ROBO1: variants seen among roughly 807,000 people sequenced by gnomAD.
ROBO1 encodes the protein roundabout guidance receptor 1.
A neutral mutation model predicts 195.9 loss-of-function variants in ROBO1; 149 were observed. The ratio of observed to expected loss-of-function variants is 0.76; its 90% CI spans 0.67 to 0.87. ROBO1 has a LOEUF of 0.87. Among genes scored for constraint, ROBO1 ranks in the 40% least tolerant of loss-of-function variants. The probability of loss-of-function intolerance (pLI) is 0.00; values close to 1 mark genes in which losing one functional copy is unlikely to be tolerated. For synonymous variants in ROBO1, 816 were observed against 733.2 expected, an observed-to-expected ratio of 1.11 and a Z score of -1.82; for missense variants, 1,933 against 2,068.3, an observed-to-expected ratio of 0.93 and a Z score of 1.27.
intron 1 of ROBO1, among the ~76,000 whole-genome samples, chr3:79,619,110 A>G (rs12497956): frequency 0.017 from 55 of 3,282 alleles, no homozygotes; most frequent in African/African-American, 0.071. Context: ...CTGCAGAGAC[A>G]CCTGCCCTCA....
intron 5 of ROBO1, among the ~76,000 whole-genome samples, chr3:78,734,788 T>C (rs1313772165): frequency 6.6e-6 from 1 of 152,134 alleles, no homozygotes; most frequent in African/African-American, 2.4e-5. Flanking sequence ...ATATATAGTA[T>C]ATTGTTTCCC....
chr3:78,791,445 T>G (rs2084017198), intron 4 of ROBO1, among the ~76,000 whole-genome samples: 1 of 152,210 alleles, frequency 6.6e-6, no homozygotes, highest in Non-Finnish European at 1.5e-5. Context: ...CTTCTGCCCT[T>G]GGGAAAGCCA....
chr3:78,711,845 A>G (rs1010842913), intron 8 of ROBO1, among the ~76,000 whole-genome samples: 6 of 151,584 alleles, frequency 4.0e-5, no homozygotes, highest in African/African-American at 1.5e-4. Context: ...CACATTTCAA[A>G]TTTTAATAAG....
At chr3:79,405,359 A>G (rs1045499466) in intron 2 of ROBO1, among the ~76,000 whole-genome samples, 2 of 152,188 alleles carry the variant, frequency 1.3e-5, no homozygotes, top group African/African-American at 4.8e-5. Flanking sequence ...GGTCAGTGAC[A>G]ATTGTATGTT....
intron 10 of ROBO1, among the ~76,000 whole-genome samples, chr3:78,677,098 T>A (rs898817349): frequency 6.6e-6 from 1 of 152,094 alleles, no homozygotes; most frequent in African/African-American, 2.4e-5. Flanking sequence ...GAAGGAGTAA[T>A]AAAATACTTT....
At chr3:79,174,468 C>T (rs953173031) in intron 2 of ROBO1, among the ~76,000 whole-genome samples, 4 of 151,992 alleles carry the variant, frequency 2.6e-5, no homozygotes, top group African/African-American at 7.3e-5. Context: ...TAACACTCAC[C>T]GCGAGGGTCT....
At chr3:79,550,195 G>GAAAGAAAGAAAGAAAGAAAAGAAAGAAAA in intron 2 of ROBO1, among the ~76,000 whole-genome samples, 2 of 100,812 alleles carry the variant, frequency 2.0e-5, no homozygotes, top group African/African-American at 9.4e-5. Flanking sequence ...AAGAAAGAAA[G>GAAAGAAAGAAAGAAAGAAAAGAAAGAAAA]GAAAAGAAAA....
chr3:79,455,927 A>G lies in ROBO1; in HGVS notation c.88+133897T>C, dbSNP rs190758787. Among the ~76,000 whole-genome samples, 393 of 152,260 alleles carry G rather than the reference A, an allele frequency of 2.6e-3. 2 individuals are homozygous for G. Among genetic ancestry groups the G allele is most frequent in the African/African-American group, 8.1e-3 (338 of 41,576 alleles). ...CTAAGCTTCCATCTGTATAACAGAA[A>G]TAAAGAAACCCGAGTAGCTCTACAT... is the stretch of plus-strand genomic sequence containing the variant. On this transcript the variant is annotated intron_variant, in intron 2 of 30. Transcript: ENST00000464233.
intron 3 of ROBO1, among the ~76,000 whole-genome samples, chr3:79,047,246 G>T (rs1012476904): frequency 1.3e-5 from 2 of 152,076 alleles, no homozygotes; most frequent in Non-Finnish European, 2.9e-5. Flanking sequence ...AGTAGAAAAT[G>T]TGCCTAATGA....
At chr3:79,238,321 T>C (rs2108871801) in intron 2 of ROBO1, among the ~76,000 whole-genome samples, 1 of 152,274 alleles carries the variant, frequency 6.6e-6, no homozygotes, top group East Asian at 1.9e-4. Context: ...CCATCCTGCC[T>C]CCAAAGTCCT....
chr3:79,585,964 A>T (rs1943815055), intron 2 of ROBO1, among the ~76,000 whole-genome samples: 1 of 131,340 alleles, frequency 7.6e-6, no homozygotes, highest in African/African-American at 3.0e-5. Context: ...CTAATCACAA[A>T]TATTGGAAAA....
intron 2 of ROBO1, among the ~76,000 whole-genome samples, chr3:79,457,388 T>C (rs1331155292): frequency 6.6e-6 from 1 of 151,306 alleles, no homozygotes; most frequent in African/African-American, 2.5e-5. Context: ...ACACTGTGTG[T>C]GTGTGTGCGT....
intron 2 of ROBO1, among the ~76,000 whole-genome samples, chr3:79,483,811 G>C (rs1019226130): frequency 6.6e-6 from 1 of 152,100 alleles, no homozygotes. Context: ...CATGGATCTG[G>C]GACGGGGTTG....
At chr3:79,350,775 T>G (rs1259430516) in intron 2 of ROBO1, among the ~76,000 whole-genome samples, 1 of 152,134 alleles carries the variant, frequency 6.6e-6, no homozygotes, top group Non-Finnish European at 1.5e-5. Flanking sequence ...GTATTTTTAG[T>G]GCTGAGGGGA....
chr3:79,570,236 CTG>C (rs1943234802), intron 2 of ROBO1, among the ~76,000 whole-genome samples: 1 of 151,302 alleles, frequency 6.6e-6, no homozygotes, highest in Non-Finnish European at 1.5e-5. Flanking sequence ...GTGCATATGC[CTG>C]TGAAAGTGAA....
intron 3 of ROBO1, among the ~76,000 whole-genome samples, chr3:79,016,014 C>A (rs2077923469): frequency 6.6e-6 from 1 of 152,106 alleles, no homozygotes; most frequent in Admixed American, 6.5e-5. Context: ...TTAAGCTCAC[C>A]ACATTTCTCT....
chr3:79,289,202 T>TA (rs1211343227), intron 2 of ROBO1, among the ~76,000 whole-genome samples: 4 of 152,006 alleles, frequency 2.6e-5, no homozygotes, highest in South Asian at 2.1e-4. Flanking sequence ...ATAAAAACAT[T>TA]AAAAAATCAC....
At chr3:79,316,904 T>A (rs1006880682) in intron 2 of ROBO1, among the ~76,000 whole-genome samples, 1 of 152,124 alleles carries the variant, frequency 6.6e-6, no homozygotes, top group African/African-American at 2.4e-5. Flanking sequence ...TTAAACATTA[T>A]CATTGTCATC....
At chr3:78,804,653 A>G (rs1342339011) in intron 4 of ROBO1, among the ~76,000 whole-genome samples, 1 of 145,966 alleles carries the variant, frequency 6.9e-6, no homozygotes, top group Non-Finnish European at 1.5e-5. Flanking sequence ...TCTTATTTTC[A>G]TTAATGAATG....
Sources: gnomAD v4.1 joint callset for allele counts (sites outside exome capture counted in the v4.1 genomes callset) on GRCh38, gnomAD v4.1.1 for gene constraint, MANE v1.5 for transcripts, NCBI Gene and HGNC (gene_info 2026-07-23, HGNC 2026-07-21) for gene names.